The following DLG2 variants were observed in gnomAD, a reference collection of about 807,000 sequenced individuals.
DLG2 encodes disks large homolog 2.
A neutral mutation model predicts 132.5 loss-of-function variants in DLG2; 45 were observed. The ratio of observed to expected loss-of-function variants is 0.34; its 90% confidence interval spans 0.27 to 0.44. The LOEUF (loss-of-function observed/expected upper bound fraction) is 0.44. Among genes scored for constraint, DLG2 ranks in the 20% least tolerant of loss-of-function variants. DLG2 has a pLI of 1.00. For synonymous variants in DLG2, 424 were observed against 419.6 expected, an observed-to-expected ratio of 1.01 and a Z score of -0.13; for missense variants, 1,045 against 1,196.9, an observed-to-expected ratio of 0.87 and a Z score of 1.87.
At chr11:85,036,729 T>C (rs563220532) in intron 6 of DLG2, among the ~76,000 whole-genome samples, 33 of 152,358 alleles carry the variant, frequency 2.2e-4, no homozygotes, top group South Asian at 6.2e-4. Flanking sequence ...AAAAATTTGT[T>C]GAAGTAGCAT....
chr11:83,641,313 A>G (rs1039651556), intron 18 of DLG2, among the ~76,000 whole-genome samples: 1 of 152,236 alleles, frequency 6.6e-6, no homozygotes, highest in African/African-American at 2.4e-5. Context: ...ATAGTCACAC[A>G]TAAGAGGATT....
intron 4 of DLG2, among the ~76,000 whole-genome samples, chr11:85,245,771 T>C (rs2076103266): frequency 6.6e-6 from 1 of 151,962 alleles, no homozygotes. Context: ...CTTTACCTGC[T>C]ACACTATACT....
intron 18 of DLG2, among the ~76,000 whole-genome samples, chr11:83,704,814 G>A (rs2083618804): frequency 6.6e-6 from 1 of 152,066 alleles, no homozygotes; most frequent in African/African-American, 2.4e-5. Flanking sequence ...GCGACAGAGC[G>A]AGACTCCATC....
chr11:84,093,942 C>T (rs1478249177), intron 10 of DLG2, among the ~76,000 whole-genome samples: 2 of 151,738 alleles, frequency 1.3e-5, no homozygotes, highest in Non-Finnish European at 2.9e-5. Flanking sequence ...TGATGCTTAC[C>T]ACAGTGGGTC....
At chr11:83,900,494 C>T (rs1021857380) in intron 15 of DLG2, among the ~76,000 whole-genome samples, 7 of 152,040 alleles carry the variant, frequency 4.6e-5, no homozygotes, top group Non-Finnish European at 8.8e-5. Context: ...GGACTTGGTG[C>T]CTTGTGTCCC....
chr11:84,026,299 A>G (rs1392162313), intron 11 of DLG2, among the ~76,000 whole-genome samples: 1 of 152,106 alleles, frequency 6.6e-6, no homozygotes, highest in Non-Finnish European at 1.5e-5. Context: ...CTGGTTTGGA[A>G]AAGACCTGTG....
chr11:84,885,817 A>G (rs901058040), intron 6 of DLG2, among the ~76,000 whole-genome samples: 4 of 151,194 alleles, frequency 2.6e-5, no homozygotes, highest in African/African-American at 9.7e-5. Flanking sequence ...TGCACTGGTT[A>G]GAAGGAATTT....
chr11:84,361,745 T>C (rs1457049383), intron 7 of DLG2, among the ~76,000 whole-genome samples: 1 of 151,988 alleles, frequency 6.6e-6, no homozygotes. Context: ...ATTATATGAC[T>C]TACATAGAGA....
At chr11:83,764,261 T>C (rs2094042101) in intron 18 of DLG2, among the ~76,000 whole-genome samples, 1 of 152,152 alleles carries the variant, frequency 6.6e-6, no homozygotes, top group African/African-American at 2.4e-5. Context: ...GGAGTAATGA[T>C]TGTGAGACAG....
intron 8 of DLG2, among the ~76,000 whole-genome samples, chr11:84,166,240 A>C (rs2095659020): frequency 6.6e-6 from 1 of 152,218 alleles, no homozygotes; most frequent in Non-Finnish European, 1.5e-5. Context: ...GCAGTGGCTC[A>C]TGCCTGTAAT....
intron 19 of DLG2, among the ~76,000 whole-genome samples, chr11:83,557,810 A>G (rs1318927307): frequency 6.6e-6 from 1 of 152,138 alleles, no homozygotes. Context: ...TTCCTGTTTT[A>G]CAGATGGGTG....
At chr11:85,586,539 T>C (rs2078983380) in intron 3 of DLG2, among the ~76,000 whole-genome samples, 1 of 152,216 alleles carries the variant, frequency 6.6e-6, no homozygotes, top group African/African-American at 2.4e-5. Flanking sequence ...ATTTCCGTGG[T>C]ATCAGTTGTA....
At chr11:84,463,879 C>A (rs1337515216) in intron 7 of DLG2, among the ~76,000 whole-genome samples, 1 of 151,138 alleles carries the variant, frequency 6.6e-6, no homozygotes, top group African/African-American at 2.4e-5. Context: ...ATACTCTTTT[C>A]TTTAGTAGAC....
chr11:84,350,996 TCTA>T (rs1285907499), intron 7 of DLG2, among the ~76,000 whole-genome samples: 1 of 152,196 alleles, frequency 6.6e-6, no homozygotes, highest in Non-Finnish European at 1.5e-5. Flanking sequence ...CATCAGCCTA[TCTA>T]CCTGTATTAC....
chr11:84,148,067 AG>A (rs2095153073), intron 9 of DLG2, among the ~76,000 whole-genome samples: 1 of 152,146 alleles, frequency 6.6e-6, no homozygotes, highest in African/African-American at 2.4e-5. Context: ...TCATTCAGGA[AG>A]TGGCTGATTC....
chr11:83,772,385 G>C (rs2094429959), intron 18 of DLG2, among the ~76,000 whole-genome samples: 1 of 150,836 alleles, frequency 6.6e-6, no homozygotes, highest in African/African-American at 2.4e-5. Context: ...ACTCCAGCCT[G>C]GGTGAGAGAG....
chr11:83,467,667 T>C (rs900405230), intron 25 of DLG2, among the ~76,000 whole-genome samples: 36 of 151,228 alleles, frequency 2.4e-4, no homozygotes, highest in Admixed American at 2.3e-3. Context: ...GGAGAATCAC[T>C]TGAACCCAGG....
At chr11:85,415,114 G>C (rs1302833117) in intron 3 of DLG2, among the ~76,000 whole-genome samples, 3 of 152,054 alleles carry the variant, frequency 2.0e-5, no homozygotes, top group Non-Finnish European at 2.9e-5. Flanking sequence ...TGCAGTGTTT[G>C]GTTTTCTCTT....
chr11:83,845,240 T>C (rs1277055674), intron 16 of DLG2, among the ~76,000 whole-genome samples: 3 of 152,154 alleles, frequency 2.0e-5, no homozygotes, highest in Non-Finnish European at 4.4e-5. Flanking sequence ...AAAGAGGAGA[T>C]ACTTGTAGGA....
Sources: allele counts gnomAD v4.1 joint callset (sites outside exome capture counted in the v4.1 genomes callset), GRCh38; gene constraint gnomAD v4.1.1; transcripts MANE v1.5; gene names NCBI Gene and HGNC (gene_info 2026-07-23, HGNC 2026-07-21).